The following ERICH3 variants were observed in gnomAD, a reference collection of about 807,000 sequenced individuals.
The protein encoded by ERICH3 is glutamate rich 3.
A neutral mutation model predicts 131.1 loss-of-function variants in ERICH3; 126 were observed. That is an observed-to-expected ratio of 0.96 (90% CI 0.83 to 1.11). ERICH3 has a LOEUF of 1.11. ERICH3 is among the 50% of genes most tolerant of loss of function. The probability of loss-of-function intolerance (pLI) is 0.00; values close to 1 mark genes in which losing one functional copy is unlikely to be tolerated. For synonymous variants in ERICH3, 695 were observed against 644.6 expected (o/e 1.08, Z -1.18); for missense variants, 2,050 against 1,810.7 (o/e 1.13, Z -2.40).
Position 74,631,845 on chromosome 1 carries a change from A to T in ERICH3, c.687T>A (p.Ser229Arg). The T allele has an allele frequency of 6.2e-7, 1 of 1,613,496 alleles. No individual in the cohort carries two copies. ...MNSYQLPNIN[S>R]YMMPIPPPLP... is the part of the protein sequence containing the mutation. ...GTGGAGGAGGAATAGGCATCATGTA[A>T]CTGTTAATGTTTGGAAGTTGATATG... Residue 229 changes from serine (S) to arginine (R), a missense_variant, in exon 7 of 15, where the codon AGT (serine) becomes AGA (arginine). By Grantham distance (110) the Ser-to-Arg change is moderately radical. Transcript: ENST00000326665.
chr1:74,625,655 C>T (rs1242699899), intron 7 of ERICH3: 2 of 152,042 alleles, frequency 1.3e-5, no homozygotes, highest in Non-Finnish European at 2.9e-5. Flanking sequence ...CTGAGAGAAA[C>T]AGTTTAGTCT....
At chr1:74,653,674 A>C (rs1053840995) in intron 1 of ERICH3, among the ~76,000 whole-genome samples, 1 of 152,142 alleles carries the variant, frequency 6.6e-6, no homozygotes, top group Non-Finnish European at 1.5e-5. Context: ...ATCTTACTAA[A>C]GTGGAAAAGC....
At chr1:74,661,057 CA>C (rs1246018111) in intron 1 of ERICH3, among the ~76,000 whole-genome samples, 1 of 151,970 alleles carries the variant, frequency 6.6e-6, no homozygotes, top group Non-Finnish European at 1.5e-5. Context: ...CCAAAGAGAA[CA>C]AATCAATAAA....
At position 74,647,015 on chromosome 1, in the gene ERICH3, G is replaced by A. The variant is rs562466777; in HGVS notation, c.118-223C>T. ...GGAGAAAGAGGGAGAGAAAGCATCAGTAGCTTTTAAGCCTAAAGGAATATA... is the reference window on the plus strand; with the variant it reads ...GGAGAAAGAGGGAGAGAAAGCATCAATAGCTTTTAAGCCTAAAGGAATATA... On this transcript the variant is annotated intron_variant, in intron 2 of 14. Coordinates refer to ENST00000326665, the MANE Select transcript of ERICH3 (RefSeq NM_001002912.5). Among the ~76,000 whole-genome samples, 117 of 151,140 alleles carry A rather than the reference G, an allele frequency of 7.7e-4. 1 individual carries two copies. Among genetic ancestry groups the A allele is most frequent in the African/African-American group, 2.7e-3 (113 of 41,268 alleles).
intron 12 of ERICH3, chr1:74,589,386 G>A: frequency 1.8e-6 from 1 of 550,464 alleles, no homozygotes; most frequent in African/African-American, 1.9e-5. Context: ...CCATAGGAGG[G>A]AATTTACCGA....
rs1646907346 is a variant in ERICH3 at position 74,569,197 on chromosome 1, T to A, written c.*1261A>T. 1 of 152,100 alleles carries A rather than the reference T, an allele frequency of 6.6e-6. No individual in the cohort carries two copies. Among genetic ancestry groups the A allele is most frequent in the South Asian group, 2.1e-4 (1 of 4,820 alleles). 9.4% of individuals were successfully genotyped at this position (152,100 alleles called of 1,614,324 possible). ...AAGTGAAAAGTTAAAAATATATATA[T>A]ACTGATGTGTAGATCCATCTAAAAC... On this transcript the variant is annotated 3_prime_UTR_variant, in exon 15 of 15. Transcript: ENST00000326665.
At position 74,649,245 on chromosome 1, in the gene ERICH3, G is replaced by C. The variant is rs755547640; in HGVS notation, c.94C>G (p.Arg32Gly). Residue 32 changes from arginine (R) to glycine (G), a missense_variant, in exon 2 of 15, where the codon CGT becomes GGT. Arg to Gly is a moderately radical substitution (Grantham distance 125, BLOSUM62 -2). Transcript: ENST00000326665. ...AGYFNNTRIRRHLLRSGLITR... is the reference protein window; with the variant it reads ...AGYFNNTRIRGHLLRSGLITR... ...ACCAGTCCTGATCTTAAGAGATGAC[G>C]CCTTATCCTTGTATTGTTAAAATAC... 5 of 1,611,530 alleles carry C rather than the reference G, an allele frequency of 3.1e-6. No individual in the cohort carries two copies. The African/African-American group carries it at 6.7e-5, about 22-fold the overall frequency.
At position 74,573,474 on chromosome 1, in the gene ERICH3, TG is replaced by T. The variant is rs762535200; in HGVS notation, c.2235del (p.Phe745LeufsTer44). 5.9e-6 allele frequency: 9 copies of T among 1,516,770 alleles called. No homozygotes were observed. The highest frequency in any genetic ancestry group is 7.9e-6 in the Non-Finnish European group (9 of 1,136,450). 94.0% of individuals were successfully genotyped at this position (1,516,770 alleles called of 1,614,324 possible). A position where few individuals can be genotyped will look rare whatever the true frequency, so the allele number is the denominator to read the frequency against. The stretch of plus-strand genomic sequence containing the variant: ...TTGATTGCTGCTGTTTCATCCACCA[TG>T]AAATTCATTGTTGGTGCTATAAAAA... ...VLALGAPTMNFMVDETAAINS... is the reference protein window; with the variant it reads ...VLALGAPTMNXMVDETAAINS... On this transcript the variant is annotated frameshift_variant, in exon 14 of 15. Coordinates refer to ENST00000326665, the MANE Select transcript of ERICH3 (RefSeq NM_001002912.5). LOFTEE classifies it high-confidence loss of function.
At position 74,573,189 on chromosome 1, in the gene ERICH3, C is replaced by T. The variant is rs753344414; in HGVS notation, c.2521G>A (p.Gly841Arg). 1 of 1,613,238 alleles carries T rather than the reference C, an allele frequency of 6.2e-7. No individual in the cohort carries two copies. The highest frequency in any genetic ancestry group is 2.2e-5 in the East Asian group (1 of 44,874). The stretch of plus-strand genomic sequence containing the variant: ...CTGACCCCTTCTGCTTCTGCTGCTC[C>T]CTCTGCCCCCCTTTCTATGCCTGGA... ...IPPGIERGAE[G>R]AAEAEGVRRL... is the part of the protein sequence containing the mutation. Residue 841 changes from glycine (G) to arginine (R), a missense_variant, in exon 14 of 15, where the codon GGA becomes AGA. By Grantham distance (125) the Gly-to-Arg change is moderately radical. Transcript: ENST00000326665.
intron 1 of ERICH3, among the ~76,000 whole-genome samples, chr1:74,650,790 T>TCACCGGAAACCACCGG (rs1407552739): frequency 1.3e-5 from 2 of 151,802 alleles, no homozygotes; most frequent in African/African-American, 4.8e-5. Flanking sequence ...TGACCACAGG[T>TCACCGGAAACCACCGG]AATTGAAACC....
intron 9 of ERICH3, among the ~76,000 whole-genome samples, chr1:74,610,630 T>G (rs1648644636): frequency 6.6e-6 from 1 of 151,898 alleles, no homozygotes; most frequent in Non-Finnish European, 1.5e-5. Context: ...ATAAAGAGGC[T>G]TCCTTGAACC....
intron 1 of ERICH3, among the ~76,000 whole-genome samples, chr1:74,652,621 G>T (rs1408468288): frequency 6.6e-6 from 1 of 151,200 alleles, no homozygotes; most frequent in African/African-American, 2.4e-5. Context: ...CTTGGTGATT[G>T]TGTTGCAGCT....
intron 10 of ERICH3, among the ~76,000 whole-genome samples, chr1:74,602,607 G>C (rs1032026326): frequency 1.3e-5 from 2 of 151,760 alleles, no homozygotes; most frequent in Non-Finnish European, 2.9e-5. Flanking sequence ...AAACCCTTGC[G>C]GCTGTGGCTG....
At chr1:74,636,560 C>T in intron 5 of ERICH3, 122 bp from the exon 6 acceptor site, 1 of 954,748 alleles carries the variant, frequency 1.0e-6, no homozygotes, top group Non-Finnish European at 1.5e-6. Context: ...ACAGATTAAA[C>T]TTTAATTATG....
At chr1:74,594,632 C>T (rs1158901376) in intron 11 of ERICH3, among the ~76,000 whole-genome samples, 10 of 152,092 alleles carry the variant, frequency 6.6e-5, no homozygotes, top group Non-Finnish European at 1.0e-4. Context: ...CACCTCCGTT[C>T]GCATGAGGGA....
Position 74,572,015 on chromosome 1 carries a change from C to A in ERICH3, c.3695G>T (p.Gly1232Val), listed in dbSNP as rs1646958531. 6.2e-7 allele frequency: 1 copy of A among 1,614,140 alleles called. No homozygotes were observed. The highest frequency in any genetic ancestry group is 1.3e-5 in the African/African-American group (1 of 75,070). ...TGCCTGGCCTGTGGCTGGGATCAGC[C>A]CCTCAGGGGCCTGCACCTTTCCTGC... ...EPAGKVQAPE[G>V]LIPATGQAEE... The change falls in exon 14 of 15, where the codon GGG becomes GTG. Residue 1232 changes from glycine to valine, a missense_variant. Gly to Val is a moderately radical substitution (Grantham distance 109). Transcript: ENST00000326665.
chr1:74,582,633 G>C (rs1647198885), intron 12 of ERICH3, among the ~76,000 whole-genome samples: 1 of 152,158 alleles, frequency 6.6e-6, no homozygotes. Flanking sequence ...TGCTTTTGTG[G>C]AAACAAATCA....
rs137958677 is a variant in ERICH3 at position 74,599,841 on chromosome 1, G to A, written c.1580C>T (p.Pro527Leu). 480 of 1,612,160 alleles carry A rather than the reference G, an allele frequency of 3.0e-4. 2 individuals carry two copies. The African/African-American group carries it at 5.5e-3, about 18-fold the overall frequency. The change falls in exon 11 of 15, where the codon CCG becomes CTG. Residue 527 changes from proline (P) to leucine (L), a missense_variant. By Grantham distance (98) the Pro-to-Leu change is moderately conservative (BLOSUM62 -3). Coordinates refer to ENST00000326665, the MANE Select transcript of ERICH3 (RefSeq NM_001002912.5). Reference sequence around the variant, plus strand: ...TTTTTTATCATCCAAAGGTGACTGCGGTATTCCATTCATTTGAACATCAGC... The same window carrying A: ...TTTTTTATCATCCAAAGGTGACTGCAGTATTCCATTCATTTGAACATCAGC... ...GQADVQMNGI[P>L]QSPLDDKKDN...
intron 6 of ERICH3, among the ~76,000 whole-genome samples, chr1:74,634,134 T>C (rs1646366010): frequency 6.6e-6 from 1 of 152,256 alleles, no homozygotes; most frequent in East Asian, 1.9e-4. Context: ...GTACAGAATA[T>C]TATTCTTCTT....
Sources: gnomAD v4.1 joint callset for allele counts (sites outside exome capture counted in the v4.1 genomes callset) on GRCh38, gnomAD v4.1.1 for gene constraint, MANE v1.5 for transcripts, NCBI Gene and HGNC (gene_info 2026-07-23, HGNC 2026-07-21) for gene names.